Variants in BTRC observed in about 807,000 individuals in gnomAD.
BTRC encodes the protein beta-transducin repeat containing E3 ubiquitin protein ligase.
Under a neutral mutation model 85.5 loss-of-function variants are expected in BTRC, and 42 were observed. The observed-to-expected ratio is 0.49, with a 90% CI of 0.38 to 0.64. The LOEUF (loss-of-function observed/expected upper bound fraction) is 0.64. Among genes scored for constraint, BTRC ranks in the 30% least tolerant of loss-of-function variants. The pLI is 0.00. For missense variants in BTRC, 594 were observed against 743.5 expected, an observed-to-expected ratio of 0.80 and a Z score of 2.34; for synonymous variants, 255 against 263.3, an observed-to-expected ratio of 0.97 and a Z score of 0.30.
intron 3 of BTRC, among the ~76,000 whole-genome samples, chr10:101,462,758 T>C (rs1181753535): frequency 6.6e-6 from 1 of 151,734 alleles, no homozygotes; most frequent in African/African-American, 2.4e-5. Context: ...TTCAATACCA[T>C]TGTGTTCTTG....
At chr10:101,476,706 A>C (rs1301313851) in intron 3 of BTRC, among the ~76,000 whole-genome samples, 6 of 151,942 alleles carry the variant, frequency 3.9e-5, no homozygotes. Context: ...TACCTCCCAA[A>C]GTGCTGGGAT....
chr10:101,530,609 A>T (rs1039488907), intron 6 of BTRC, among the ~76,000 whole-genome samples: 1 of 152,222 alleles, frequency 6.6e-6, no homozygotes, highest in Admixed American at 6.5e-5. Context: ...TTAATAGAGC[A>T]ATAGATGAAT....
intron 1 of BTRC, among the ~76,000 whole-genome samples, chr10:101,394,377 A>T (rs1943312653): frequency 1.3e-5 from 2 of 152,226 alleles, no homozygotes; most frequent in African/African-American, 4.8e-5. Flanking sequence ...ATGTTGCTTA[A>T]AATCATTGAA....
At chr10:101,547,839 G>A (rs2062583281) in intron 13 of BTRC, among the ~76,000 whole-genome samples, 1 of 152,102 alleles carries the variant, frequency 6.6e-6, no homozygotes. Context: ...GGTATGCAAG[G>A]CTGGTTCAGC....
In BTRC at chr10:101,532,809, C is replaced by T. The variant is rs181452575; in HGVS notation, c.979-143C>T. ...GTGTGTGCGCGTGTGCGCGCGCGCGCGCTTAGCTATACCTATAGAAAATGC... is the reference window on the plus strand; with the variant it reads ...GTGTGTGCGCGTGTGCGCGCGCGCGTGCTTAGCTATACCTATAGAAAATGC... On this transcript the variant is annotated intron_variant, in intron 8 of 14. Transcript: ENST00000370187. The T allele has an allele frequency of 1.6e-4, 108 of 676,026 alleles. No individual in the cohort carries two copies. In the African/African-American group the frequency reaches 1.8e-3, roughly 11 times the overall value. 41.9% of individuals were successfully genotyped at this position (676,026 alleles called of 1,614,324 possible). A position where few individuals can be genotyped will look rare whatever the true frequency, so the allele number is the denominator to read the frequency against.
At chr10:101,357,084 G>C (rs1308923436) in intron 1 of BTRC, among the ~76,000 whole-genome samples, 1 of 151,270 alleles carries the variant, frequency 6.6e-6, no homozygotes, top group African/African-American at 2.4e-5. Context: ...AGCCAAGATC[G>C]CGCCACTGCA....
chr10:101,525,876 AAG>A (rs1376168720), intron 5 of BTRC, 135 bp from the exon 6 acceptor site: 1 of 759,246 alleles, frequency 1.3e-6, no homozygotes, highest in African/African-American at 1.8e-5. Flanking sequence ...CTGTTTGAAA[AAG>A]AAACTGGACC....
At chr10:101,392,283 A>G (rs1419956749) in intron 1 of BTRC, among the ~76,000 whole-genome samples, 1 of 152,162 alleles carries the variant, frequency 6.6e-6, no homozygotes, top group Admixed American at 6.5e-5. Context: ...CAGTGAAAAC[A>G]TTCTTAAATT....
At chr10:101,429,802 C>T (rs866230282) in intron 1 of BTRC, among the ~76,000 whole-genome samples, 2 of 148,428 alleles carry the variant, frequency 1.3e-5, no homozygotes, top group African/African-American at 2.5e-5. Context: ...ATAAAACATA[C>T]GCAAACTGTG....
chr10:101,358,946 C>G (rs1051277563), intron 1 of BTRC, among the ~76,000 whole-genome samples: 1 of 152,184 alleles, frequency 6.6e-6, no homozygotes, highest in African/African-American at 2.4e-5. Context: ...GACTTGCTAC[C>G]GTAGGTGCTA....
intron 1 of BTRC, among the ~76,000 whole-genome samples, chr10:101,416,205 T>C (rs1193787004): frequency 1.3e-5 from 2 of 152,216 alleles, no homozygotes; most frequent in Non-Finnish European, 2.9e-5. Flanking sequence ...TTTATTAGGC[T>C]GAATAATATT....
At chr10:101,366,840 T>A (rs1258624980) in intron 1 of BTRC, among the ~76,000 whole-genome samples, 4 of 48,956 alleles carry the variant, frequency 8.2e-5, no homozygotes, top group East Asian at 6.6e-4. Flanking sequence ...TTATATATAT[T>A]TATGTATATT....
Position 101,554,014 on chromosome 10 carries a change from CTCTT to C in BTRC, c.*896_*899del, listed in dbSNP as rs1292137354. On this transcript the variant is annotated 3_prime_UTR_variant, in exon 15 of 15. Transcript: ENST00000370187. Reference sequence around the variant, plus strand: ...CTCATCATATTTGCAACTCTTCTCTCTCTTTCTTCCCCACACCCAAGAGGAGGAT... The same window carrying C: ...CTCATCATATTTGCAACTCTTCTCTCTCTTCCCCACACCCAAGAGGAGGAT... The C allele has an allele frequency of 1.3e-5, 2 of 152,200 alleles. No homozygotes were observed. The highest frequency in any genetic ancestry group is 2.1e-4 in the South Asian group (1 of 4,826). The allele number at this position is 152,200 out of a possible 1,614,324, so 9.4% of individuals were successfully genotyped here. A position where few individuals can be genotyped will look rare whatever the true frequency, so the allele number is the denominator to read the frequency against.
chr10:101,366,780 A>ATTTTTTTTATATT (rs1401642159), intron 1 of BTRC, among the ~76,000 whole-genome samples: 2 of 103,290 alleles, frequency 1.9e-5, no homozygotes, highest in Non-Finnish European at 3.8e-5. Context: ...ATATATATAT[A>ATTTTTTTTATATT]TATATATATT....
At chr10:101,522,352 T>TTAA (rs2062121305) in intron 5 of BTRC, among the ~76,000 whole-genome samples, 1 of 42,060 alleles carries the variant, frequency 2.4e-5, no homozygotes, top group Non-Finnish European at 5.1e-5. Flanking sequence ...TATAAAGCTT[T>TTAA]AAAAAAAAAA....
rs1381712176 is a variant in BTRC, at chr10:101,555,120, G to C, written c.*1997G>C. ...ATCAGGGTTCGTCATCTATTGTGTT[G>C]ACTATTAATGGCTTTTTGATTGGGT... On this transcript the variant is annotated 3_prime_UTR_variant, in exon 15 of 15. Coordinates refer to ENST00000370187, the MANE Select transcript of BTRC (RefSeq NM_033637.4). The C allele has an allele frequency of 6.6e-6, 1 of 152,522 alleles. No individual in the cohort carries two copies. Among genetic ancestry groups the C allele is most frequent in the Admixed American group, 6.5e-5 (1 of 15,284 alleles). The allele number at this position is 152,522 out of a possible 1,614,324, so 9.4% of individuals were successfully genotyped here.
At chr10:101,446,124 C>G (rs1213805198) in intron 2 of BTRC, among the ~76,000 whole-genome samples, 3 of 140,852 alleles carry the variant, frequency 2.1e-5, no homozygotes, top group Non-Finnish European at 4.6e-5. Flanking sequence ...CCCCAACCCC[C>G]TCCGTGCTCA....
At chr10:101,454,433 A>G (rs943416955) in intron 2 of BTRC, among the ~76,000 whole-genome samples, 1 of 152,172 alleles carries the variant, frequency 6.6e-6, no homozygotes, top group Non-Finnish European at 1.5e-5. Context: ...TAAGACTTGA[A>G]TAGATGAGAT....
intron 3 of BTRC, among the ~76,000 whole-genome samples, chr10:101,468,220 A>G (rs1039859769): frequency 1.3e-5 from 2 of 152,198 alleles, no homozygotes; most frequent in African/African-American, 4.8e-5. Flanking sequence ...CTGACTTAGT[A>G]GGAAAAATAT....
Sources: allele counts gnomAD v4.1 joint callset (sites outside exome capture counted in the v4.1 genomes callset), GRCh38; gene constraint gnomAD v4.1.1; transcripts MANE v1.5; gene names NCBI Gene and HGNC (gene_info 2026-07-23, HGNC 2026-07-21).